The following LDB3 variants were observed in gnomAD, a reference collection of about 807,000 sequenced individuals.
LDB3 encodes LIM domain-binding protein 3.
LDB3 carries 49 observed loss-of-function variants against 69.0 expected under a neutral mutation model. That is an observed-to-expected ratio of 0.71 (90% CI 0.56 to 0.90). LDB3 has a LOEUF of 0.90. LDB3 is among the 40% of genes least tolerant of loss of function. The pLI is 0.00. For synonymous variants in LDB3, 387 were observed against 396.2 expected, an observed-to-expected ratio of 0.98 and a Z score of 0.28; for missense variants, 928 against 974.1, an observed-to-expected ratio of 0.95 and a Z score of 0.63.
At chr10:86,701,383 G>A (rs1020627580) in intron 7 of LDB3, among the ~76,000 whole-genome samples, 1 of 152,156 alleles carries the variant, frequency 6.6e-6, no homozygotes, top group African/African-American at 2.4e-5. Flanking sequence ...CAGCCTGTCG[G>A]AGCTCTCTTG....
At chr10:86,689,844 CAAG>C (rs893206363) in intron 5 of LDB3, among the ~76,000 whole-genome samples, 14 of 152,282 alleles carry the variant, frequency 9.2e-5, no homozygotes, top group African/African-American at 3.4e-4. Flanking sequence ...TTTTCTGTGG[CAAG>C]AAGAACAAGC....
Position 86,699,338 on chromosome 10 carries a change from T to A in LDB3, c.896+6767T>A. 6.2e-7 allele frequency: 1 copy of A among 1,613,900 alleles called. No homozygotes were observed. ...TTGCCAAATTGCGCAACTGGCACCA[T>A]GGCCTTTCAGCCCAAATCCTTAATG... On this transcript the variant is annotated intron_variant, in intron 7 of 13. Coordinates refer to ENST00000361373, the MANE Select transcript of LDB3 (RefSeq NM_007078.3). The surrounding 1 kb of genome is among the most constrained non-coding windows in gnomAD (Gnocchi z 4.9).
chr10:86,699,181 C>T lies in LDB3; in HGVS notation c.896+6610C>T. 1 of 1,457,706 alleles carries T rather than the reference C, an allele frequency of 6.9e-7. No individual in the cohort carries two copies. The highest frequency in any genetic ancestry group is 9.6e-7 in the Non-Finnish European group (1 of 1,044,662). 90.3% of individuals were successfully genotyped at this position (1,457,706 alleles called of 1,614,324 possible). On this transcript the variant is annotated intron_variant, in intron 7 of 13. Coordinates refer to ENST00000361373, the MANE Select transcript of LDB3 (RefSeq NM_007078.3). This position sits in a 1 kb window ranked among gnomAD's most constrained non-coding sequence, Gnocchi z 4.9. ...CTGTTAGACAGGGGAATGGTGAACA[C>T]ATTCCCTAACCCCTTTCATTCTCCC...
chr10:86,720,116 AAAT>A (rs1564659626), intron 12 of LDB3, among the ~76,000 whole-genome samples: 1 of 152,244 alleles, frequency 6.6e-6, no homozygotes, highest in Non-Finnish European at 1.5e-5. Flanking sequence ...AAGCAAAACA[AAAT>A]AAAACTTCTT....
chr10:86,720,836 G>A (rs1188540987), intron 12 of LDB3, among the ~76,000 whole-genome samples: 4 of 152,150 alleles, frequency 2.6e-5, no homozygotes, highest in African/African-American at 4.8e-5. Flanking sequence ...GAAGATCCAG[G>A]AAGAAGACGG....
intron 13 of LDB3, chr10:86,726,500 G>A: frequency 1.9e-6 from 1 of 523,386 alleles, no homozygotes; most frequent in Non-Finnish European, 3.5e-6. Context: ...AGTGTCCCAG[G>A]GTTTGGCAAA....
chr10:86,687,095 C>G, intron 5 of LDB3: 1 of 1,614,146 alleles, frequency 6.2e-7, no homozygotes, highest in Non-Finnish European at 8.5e-7. Flanking sequence ...CGCTTCAACC[C>G]CAGTGCCCTG....
In LDB3 at chr10:86,718,061, G is replaced by T; in HGVS notation, c.1774G>T (p.Glu592Ter). The T allele has an allele frequency of 6.2e-7, 1 of 1,614,194 alleles. No homozygotes were observed. Among genetic ancestry groups the T allele is most frequent in the Non-Finnish European group, 8.5e-7 (1 of 1,180,030 alleles). Residue 592 changes from glutamate to a stop codon, truncating the protein, a stop_gained, in exon 11 of 14, where the codon GAG becomes TAG. Transcript: ENST00000361373. LOFTEE classifies it high-confidence loss of function. ...CCTGGCAGATGTGTGCTTTGTGGAA[G>T]AGCAGAACAACGTTTACTGTGAGCG... is the stretch of plus-strand genomic sequence containing the variant. ...TSLADVCFVE[E>*]QNNVYCERCY... is the part of the protein sequence containing the mutation.
At chr10:86,721,688 A>G (rs1195708660) in intron 12 of LDB3, among the ~76,000 whole-genome samples, 3 of 152,212 alleles carry the variant, frequency 2.0e-5, no homozygotes, top group Non-Finnish European at 2.9e-5. Flanking sequence ...ATCACCTGAG[A>G]ACTTGTTAGA....
intron 11 of LDB3, 89 bp from the exon 12 acceptor site, chr10:86,718,638 G>A: frequency 1.3e-6 from 2 of 1,564,410 alleles, no homozygotes; most frequent in Non-Finnish European, 1.8e-6. Context: ...TTCCCTGGTA[G>A]GATGCTCGGG....
chr10:86,674,922 C>G (rs1281455030), intron 2 of LDB3, among the ~76,000 whole-genome samples: 1 of 152,050 alleles, frequency 6.6e-6, no homozygotes, highest in African/African-American at 2.4e-5. Flanking sequence ...TCCGATGGCT[C>G]CTGATCATCC....
chr10:86,714,621 T>C (rs1392955040), intron 9 of LDB3, among the ~76,000 whole-genome samples: 1 of 149,770 alleles, frequency 6.7e-6, no homozygotes, highest in Non-Finnish European at 1.5e-5. Flanking sequence ...AGTGGTACGA[T>C]CTCGGGTCAC....
At position 86,681,586 on chromosome 10, in the gene LDB3, G is replaced by A. The variant is rs760903061; in HGVS notation, c.472G>A (p.Ala158Thr). 1.2e-6 allele frequency: 2 copies of A among 1,612,980 alleles called. No homozygotes were observed. The highest frequency in any genetic ancestry group is 4.5e-5 in the East Asian group (2 of 44,842). The change falls in exon 5 of 14, where the codon GCC becomes ACC. Residue 158 changes from alanine (A) to threonine (T), a missense_variant. Physicochemically the swap from Ala to Thr is moderately conservative, Grantham distance 58. Coordinates refer to ENST00000361373, the MANE Select transcript of LDB3 (RefSeq NM_007078.3). ...CTCCGCCTTCTCCTCACTCGCCGAGGCCTCTGACCCTGGCCCTCCGCGGGC... is the reference window on the plus strand; with the variant it reads ...CTCCGCCTTCTCCTCACTCGCCGAGACCTCTGACCCTGGCCCTCCGCGGGC... Reference protein sequence around the residue: ...RPSAFSSLAEASDPGPPRASL... With the variant: ...RPSAFSSLAETSDPGPPRASL...
chr10:86,681,481 A>C lies in LDB3; in HGVS notation c.367A>C (p.Ser123Arg). 6.2e-7 allele frequency: 1 copy of C among 1,608,394 alleles called. No homozygotes were observed. The highest frequency in any genetic ancestry group is 2.2e-5 in the East Asian group (1 of 44,850). Reference protein sequence around the residue: ...TNGSLVAPSPSPEARASPGTP... With the variant: ...TNGSLVAPSPRPEARASPGTP... ...CGGCAGCCTGGTGGCACCCAGCCCC[A>C]GCCCTGAGGCGAGGGCCAGCCCAGG... The change falls in exon 5 of 14, where the codon AGC (serine) becomes CGC (arginine). Residue 123 changes from serine (S) to arginine (R), a missense_variant. By Grantham distance (110) the Ser-to-Arg change is moderately radical (BLOSUM62 -1). Coordinates refer to ENST00000361373, the MANE Select transcript of LDB3 (RefSeq NM_007078.3).
rs1198152120 is a variant in LDB3, at chr10:86,698,846, GAC to G, written c.896+6277_896+6278del. ...CCTTCTTCTTGATGCCCAGCTAGGGGACAGAGATCATGCGAGGTGCACCTGTC... is the reference window on the plus strand; with the variant it reads ...CCTTCTTCTTGATGCCCAGCTAGGGGAGAGATCATGCGAGGTGCACCTGTC... On this transcript the variant is annotated intron_variant, in intron 7 of 13. Coordinates refer to ENST00000361373, the MANE Select transcript of LDB3 (RefSeq NM_007078.3). 1.2e-4 allele frequency among the ~76,000 whole-genome samples: 18 copies of G among 152,260 alleles called. No individual in the cohort carries two copies. In the East Asian group the frequency reaches 3.5e-3, roughly 29 times the overall value.
At chr10:86,713,614 C>T (rs1369036002) in intron 9 of LDB3, among the ~76,000 whole-genome samples, 1 of 152,180 alleles carries the variant, frequency 6.6e-6, no homozygotes, top group Non-Finnish European at 1.5e-5. Context: ...ACAGAACCCC[C>T]TTATATATAA....
chr10:86,710,287 A>C (rs959460996), intron 9 of LDB3: 1 of 983,626 alleles, frequency 1.0e-6, no homozygotes, highest in Non-Finnish European at 1.2e-6. Context: ...AGAGCGAAGG[A>C]GAGCAGAGAA....
intron 2 of LDB3, among the ~76,000 whole-genome samples, chr10:86,678,107 C>T (rs924391046): frequency 1.3e-5 from 2 of 152,122 alleles, no homozygotes; most frequent in African/African-American, 2.4e-5. Context: ...ATAATCTTAG[C>T]TCACTACAAC....
At chr10:86,731,078 C>T (rs1168200505) in intron 13 of LDB3, among the ~76,000 whole-genome samples, 2 of 150,916 alleles carry the variant, frequency 1.3e-5, no homozygotes, top group Non-Finnish European at 3.0e-5. Context: ...TTGCTTGAAC[C>T]CGGGAGGCAG....
Sources: gnomAD v4.1 joint callset for allele counts (sites outside exome capture counted in the v4.1 genomes callset) on GRCh38, gnomAD v4.1.1 for gene constraint, Gnocchi (gnomAD v3.1) non-coding constraint, MANE v1.5 for transcripts, NCBI Gene and HGNC (gene_info 2026-07-23, HGNC 2026-07-21) for gene names.